DRC8: variants seen among roughly 807,000 people sequenced by gnomAD.
DRC8 encodes dynein regulatory complex protein 8.
At chr1:245,082,017 G>A in the DRC8 span, 1 of 1,350,626 alleles carries the variant, frequency 7.4e-7, no homozygotes, top group East Asian at 2.3e-5. Context: ...CACAGTGCTT[G>A]GAACAACTAG....
chr1:245,085,725 C>T, the DRC8 span, among the ~76,000 whole-genome samples: 9 of 152,060 alleles, frequency 5.9e-5, no homozygotes, highest in South Asian at 2.1e-4. Context: ...TGGTGCTGGT[C>T]GGTTTGTTAG....
At chr1:244,983,717 G>C in the DRC8 span, among the ~76,000 whole-genome samples, 7 of 129,038 alleles carry the variant, frequency 5.4e-5, no homozygotes, top group African/African-American at 2.0e-4. Flanking sequence ...TCCAGCCTGG[G>C]CAGTAGAGCA....
At chr1:245,014,681 G>A in the DRC8 span, among the ~76,000 whole-genome samples, 3 of 152,036 alleles carry the variant, frequency 2.0e-5, no homozygotes, top group Non-Finnish European at 4.4e-5. Flanking sequence ...GGGTGTGGGG[G>A]GAGAAGAGCA....
At chr1:245,060,917 CT>C in the DRC8 span, among the ~76,000 whole-genome samples, 1 of 152,244 alleles carries the variant, frequency 6.6e-6, no homozygotes, top group Non-Finnish European at 1.5e-5. Context: ...CACAGCTAAA[CT>C]CATTTATTTG....
chr1:245,003,327 A>G, the DRC8 span, among the ~76,000 whole-genome samples: 4 of 152,214 alleles, frequency 2.6e-5, no homozygotes, highest in East Asian at 7.7e-4. Flanking sequence ...GCTAGATCAT[A>G]TGGTAATTTG....
At chr1:244,972,424 C>A in the DRC8 span, among the ~76,000 whole-genome samples, 23 of 152,192 alleles carry the variant, frequency 1.5e-4, no homozygotes, top group Non-Finnish European at 2.2e-4. Flanking sequence ...GGTGTGTATC[C>A]TTGTAGTCCG....
chr1:244,970,839 C>T, the DRC8 span: 2 of 299,898 alleles, frequency 6.7e-6, no homozygotes, highest in South Asian at 6.3e-5. Flanking sequence ...CCGGAGGCGC[C>T]GGCAGGGGGT....
the DRC8 span, among the ~76,000 whole-genome samples, chr1:245,039,283 A>AT: frequency 7.1e-6 from 1 of 141,816 alleles, no homozygotes; most frequent in Non-Finnish European, 1.5e-5. Context: ...GGGCAACATA[A>AT]TGAAACCTTG....
the DRC8 span, among the ~76,000 whole-genome samples, chr1:244,975,145 T>A: frequency 1.3e-5 from 2 of 152,130 alleles, no homozygotes; most frequent in Admixed American, 1.3e-4. Context: ...TTAGCCAGGA[T>A]GGTCTCGATC....
chr1:245,115,113 C>T, the DRC8 span, among the ~76,000 whole-genome samples: 14 of 152,022 alleles, frequency 9.2e-5, no homozygotes, highest in African/African-American at 1.7e-4. Flanking sequence ...TGCAGTGGCA[C>T]GATCTCGGCT....
the DRC8 span, among the ~76,000 whole-genome samples, chr1:245,104,059 C>A: frequency 6.6e-6 from 1 of 152,110 alleles, no homozygotes; most frequent in African/African-American, 2.4e-5. Context: ...GAGGTGCTCA[C>A]TTTGATGGGG....
At chr1:245,020,644 G>C in the DRC8 span, among the ~76,000 whole-genome samples, 1 of 133,558 alleles carries the variant, frequency 7.5e-6, no homozygotes, top group African/African-American at 3.0e-5. Context: ...TTTTTAGACA[G>C]GGTCTCGCTC....
the DRC8 span, among the ~76,000 whole-genome samples, chr1:245,017,941 A>T: frequency 4.6e-5 from 7 of 152,120 alleles, no homozygotes; most frequent in Non-Finnish European, 7.4e-5. Context: ...AAGAAAAGCA[A>T]TGAAGCCAGG....
At chr1:245,107,395 T>G in the DRC8 span, 1 of 152,410 alleles carries the variant, frequency 6.6e-6, no homozygotes, top group African/African-American at 2.4e-5. Flanking sequence ...AAGTTAATCT[T>G]TACAACTCTT....
chr1:245,006,822 T>C, the DRC8 span, among the ~76,000 whole-genome samples: 1 of 152,020 alleles, frequency 6.6e-6, no homozygotes. Flanking sequence ...CAGTCCTAGC[T>C]ACTTGGGGAG....
the DRC8 span, among the ~76,000 whole-genome samples, chr1:245,054,507 A>G: frequency 6.6e-6 from 1 of 152,200 alleles, no homozygotes; most frequent in Non-Finnish European, 1.5e-5. Flanking sequence ...ACCTCTCAGC[A>G]GCATCGGAAA....
chr1:245,112,344 G>C, the DRC8 span, among the ~76,000 whole-genome samples: 1 of 152,232 alleles, frequency 6.6e-6, no homozygotes, highest in Non-Finnish European at 1.5e-5. Context: ...AAAGTGCTGG[G>C]ATTACAGGTG....
At chr1:245,045,972 A>G in the DRC8 span, among the ~76,000 whole-genome samples, 1 of 152,154 alleles carries the variant, frequency 6.6e-6, no homozygotes, top group Non-Finnish European at 1.5e-5. Flanking sequence ...TTTCCTTTCA[A>G]TTTAGTTCTA....
chr1:245,043,651 G>A, the DRC8 span, among the ~76,000 whole-genome samples: 13 of 152,200 alleles, frequency 8.5e-5, no homozygotes, highest in Non-Finnish European at 1.5e-5. Flanking sequence ...TTTCTGTTTT[G>A]TGTACATGGT....
Sources: allele counts gnomAD v4.1 joint callset (sites outside exome capture counted in the v4.1 genomes callset), GRCh38; gene constraint gnomAD v4.1.1; transcripts MANE v1.5; gene names NCBI Gene and HGNC (gene_info 2026-07-23, HGNC 2026-07-21).